PYGB: variants seen among roughly 807,000 people sequenced by gnomAD.
PYGB encodes the protein glycogen phosphorylase, brain form.
In PYGB, 82 loss-of-function variants were observed where a neutral mutation model predicts 94.3. That is an observed-to-expected ratio of 0.87 (90% CI 0.73 to 1.04). The LOEUF is 1.04. Ranked by LOEUF, PYGB falls within the 50% of genes least tolerant of loss-of-function variation. PYGB has a pLI of 0.00. For missense variants in PYGB, 1,132 were observed against 1,158.2 expected, an observed-to-expected ratio of 0.98 and a Z score of 0.33; for synonymous variants, 488 against 479.1, an observed-to-expected ratio of 1.02 and a Z score of -0.24.
In PYGB at chr20:25,278,391, C is replaced by A. The variant is rs773607885; in HGVS notation, c.928C>A (p.Arg310Ser). The A allele has an allele frequency of 6.2e-7, 1 of 1,605,346 alleles. No individual in the cohort carries two copies. The highest frequency in any genetic ancestry group is 1.7e-5 in the Admixed American group (1 of 59,316). The change falls in exon 8 of 20, where the codon CGC becomes AGC. Residue 310 changes from arginine (R) to serine (S), a missense_variant. Transcript: ENST00000216962. Reference sequence around the variant, plus strand: ...GGCCGCCACGCTCCAGGACATCATCCGCCGCTTCAAGTCGTCCAAGTTCGG... The same window carrying A: ...GGCCGCCACGCTCCAGGACATCATCAGCCGCTTCAAGTCGTCCAAGTTCGG... ...VVAATLQDII[R>S]RFKSSKFGCR...
chr20:25,289,418 G>A (rs1412291899), intron 15 of PYGB, among the ~76,000 whole-genome samples: 1 of 152,360 alleles, frequency 6.6e-6, no homozygotes, highest in East Asian at 1.9e-4. Context: ...GCCAAGGCGG[G>A]TGGATCGCAT....
chr20:25,275,940 C>T (rs1001603439), intron 5 of PYGB, among the ~76,000 whole-genome samples: 2 of 152,302 alleles, frequency 1.3e-5, no homozygotes, highest in South Asian at 2.1e-4. Flanking sequence ...GCCACAGGCA[C>T]GTGTGTGCCG....
intron 2 of PYGB, among the ~76,000 whole-genome samples, chr20:25,263,448 G>C (rs1329498322): frequency 1.3e-5 from 2 of 152,088 alleles, no homozygotes; most frequent in African/African-American, 4.8e-5. Context: ...AACTGAAGGA[G>C]ATAGAGACAC....
At chr20:25,275,965 A>G (rs748283579) in intron 5 of PYGB, among the ~76,000 whole-genome samples, 21 of 152,232 alleles carry the variant, frequency 1.4e-4, no homozygotes, top group Non-Finnish European at 2.6e-4. Context: ...GAACCCAAGC[A>G]TCCCTGAGTG....
chr20:25,288,534 T>G (rs367948032), intron 15 of PYGB, 51 bp downstream of exon 15: 1 of 1,589,252 alleles, frequency 6.3e-7, no homozygotes, highest in Non-Finnish European at 8.6e-7. Flanking sequence ...CTGGGGATAG[T>G]GGGTGGGCAG....
intron 3 of PYGB, among the ~76,000 whole-genome samples, chr20:25,270,494 G>A (rs1246786799): frequency 1.3e-5 from 2 of 151,470 alleles, no homozygotes; most frequent in Non-Finnish European, 2.9e-5. Context: ...GAGCCACCAC[G>A]CCCAGCCAAT....
intron 2 of PYGB, among the ~76,000 whole-genome samples, chr20:25,259,983 C>T (rs560997739): frequency 4.1e-4 from 62 of 152,220 alleles, no homozygotes; most frequent in African/African-American, 1.4e-3. Context: ...TCCACCTCAG[C>T]GCCCTGCCAC....
chr20:25,283,233 G>C lies in PYGB; in HGVS notation c.1576G>C (p.Val526Leu), dbSNP rs201737200. Residue 526 changes from valine to leucine, a missense_variant, in exon 13 of 20, where the codon GTC (valine) becomes CTC (leucine). Transcript: ENST00000216962. ...LSQLKKLLPL[V>L]SDEVFIRDVA... ...CCAGCTGAAGAAGCTGCTGCCGCTG[G>C]TCAGTGACGAGGTGTTCATCAGGGA... 1 of 1,613,916 alleles carries C rather than the reference G, an allele frequency of 6.2e-7. No individual in the cohort carries two copies. The highest frequency in any genetic ancestry group is 1.1e-5 in the South Asian group (1 of 91,088).
At chr20:25,271,271 G>C in intron 3 of PYGB, 112 bp from the exon 4 acceptor site, 1 of 965,382 alleles carries the variant, frequency 1.0e-6, no homozygotes, top group Non-Finnish European at 1.6e-6. Context: ...AGTGAAGCCT[G>C]AAGTCAGTGT....
intron 5 of PYGB, 55 bp from the exon 6 acceptor site, chr20:25,276,591 A>G (rs1437309686): frequency 1.3e-6 from 2 of 1,484,816 alleles, no homozygotes; most frequent in South Asian, 2.3e-5. Context: ...GGAGAGGCAC[A>G]GGGGCCGGCG....
intron 2 of PYGB, among the ~76,000 whole-genome samples, chr20:25,262,762 T>C (rs1252562528): frequency 2.0e-5 from 3 of 151,874 alleles, no homozygotes; most frequent in Admixed American, 2.0e-4. Context: ...AATAAAGGGA[T>C]GGAGGAAGAT....
At chr20:25,287,187 C>G (rs1351574506) in intron 14 of PYGB, among the ~76,000 whole-genome samples, 1 of 152,236 alleles carries the variant, frequency 6.6e-6, no homozygotes, top group Non-Finnish European at 1.5e-5. Context: ...ATGGCTTGAC[C>G]CTCCATCCAC....
At position 25,276,973 on chromosome 20, in the gene PYGB, A is replaced by T. The variant is rs540882983; in HGVS notation, c.772+216A>T. 2.0e-5 allele frequency among the ~76,000 whole-genome samples: 3 copies of T among 152,018 alleles called. No homozygotes were observed. The East Asian group carries it at 5.9e-4, about 30-fold the overall frequency. ...AGGGCCTACAGGCAGAGCGACCAAG[A>T]CACCTGGGCCCTGGGCACCCAGGGT... On this transcript the variant is annotated intron_variant, in intron 6 of 19. Transcript: ENST00000216962.
chr20:25,261,250 C>T (rs188854686), intron 2 of PYGB, among the ~76,000 whole-genome samples: 3 of 152,328 alleles, frequency 2.0e-5, no homozygotes, highest in African/African-American at 4.8e-5. Context: ...CGACTGACAC[C>T]TCACACAGCC....
In PYGB at chr20:25,248,389, A is replaced by G; in HGVS notation, c.211A>G (p.Thr71Ala). 3 of 1,581,892 alleles carry G rather than the reference A, an allele frequency of 1.9e-6. No homozygotes were observed. Among genetic ancestry groups the G allele is most frequent in the Non-Finnish European group, 2.6e-6 (3 of 1,165,516 alleles). The change falls in exon 1 of 20, where the codon ACG becomes GCG. Residue 71 changes from threonine to alanine, a missense_variant. By Grantham distance (58) the Thr-to-Ala change is moderately conservative. Transcript: ENST00000216962. ...CCACCTCGTGGGCCGCTGGATCCGC[A>G]CGCAGCAGCACTACTACGAGCGCGA... ...RDHLVGRWIR[T>A]QQHYYERDPK...
chr20:25,275,012 C>CA (rs1278823365), intron 5 of PYGB, among the ~76,000 whole-genome samples: 10 of 152,248 alleles, frequency 6.6e-5, no homozygotes, highest in Non-Finnish European at 1.2e-4. Flanking sequence ...GGCGTCCACT[C>CA]ACAGCCAGAT....
intron 17 of PYGB, among the ~76,000 whole-genome samples, chr20:25,293,597 G>C (rs1008084422): frequency 2.0e-5 from 3 of 152,212 alleles, no homozygotes; most frequent in African/African-American, 7.2e-5. Flanking sequence ...GCTGGCCCGA[G>C]CACAGAGGCC....
chr20:25,292,506 C>G lies in PYGB; in HGVS notation c.2070C>G (p.Ile690Met), dbSNP rs778626594. The G allele has an allele frequency of 6.2e-7, 1 of 1,613,588 alleles. No homozygotes were observed. Among genetic ancestry groups the G allele is most frequent in the Non-Finnish European group, 8.5e-7 (1 of 1,179,984 alleles). ...TCATGCTCAACGGGGCCCTCACCAT[C>G]GGCACCATGGACGGCGCCAACGTGG... is the stretch of plus-strand genomic sequence containing the variant. ...MKFMLNGALT[I>M]GTMDGANVEM... The change falls in exon 17 of 20, where the codon ATC (isoleucine) becomes ATG (methionine). Residue 690 changes from isoleucine (I) to methionine (M), a missense_variant. Transcript: ENST00000216962.
At chr20:25,255,494 A>T (rs2092900395) in intron 1 of PYGB, among the ~76,000 whole-genome samples, 1 of 152,206 alleles carries the variant, frequency 6.6e-6, no homozygotes, top group African/African-American at 2.4e-5. Flanking sequence ...CCTGTGTCTT[A>T]TCAGGGCCAG....
Sources: gnomAD v4.1 joint callset for allele counts (sites outside exome capture counted in the v4.1 genomes callset) on GRCh38, gnomAD v4.1.1 for gene constraint, MANE v1.5 for transcripts, NCBI Gene and HGNC (gene_info 2026-07-23, HGNC 2026-07-21) for gene names.